The following NRG3 variants were observed in gnomAD, a reference collection of about 807,000 sequenced individuals.
NRG3 encodes the protein pro-neuregulin-3, membrane-bound isoform.
Under a neutral mutation model 66.9 loss-of-function variants are expected in NRG3, and 31 were observed. That is an observed-to-expected ratio of 0.46 (90% confidence interval 0.35 to 0.63). NRG3 has a LOEUF of 0.63. Among genes scored for constraint, NRG3 ranks in the 20% least tolerant of loss-of-function variants. The pLI is 0.00. For synonymous variants in NRG3, 393 were observed against 359.4 expected (o/e 1.09, Z -1.06); for missense variants, 910 against 878.9 (o/e 1.04, Z -0.45).
chr10:82,377,637 C>A (rs190738372), intron 2 of NRG3, among the ~76,000 whole-genome samples: 2 of 151,990 alleles, frequency 1.3e-5, no homozygotes, highest in African/African-American at 2.4e-5. Flanking sequence ...GAAGGGACAC[C>A]AAGAGCACAA....
chr10:82,008,550 T>G (rs540497514), intron 1 of NRG3, among the ~76,000 whole-genome samples: 1 of 152,292 alleles, frequency 6.6e-6, no homozygotes, highest in Non-Finnish European at 1.5e-5. Flanking sequence ...GAAAAGTAAG[T>G]TTAACCAAGG....
intron 1 of NRG3, among the ~76,000 whole-genome samples, chr10:82,088,593 G>T (rs1590064082): frequency 6.6e-6 from 1 of 152,200 alleles, no homozygotes; most frequent in African/African-American, 2.4e-5. Context: ...CTTTGATTTT[G>T]AATGCACAGG....
Position 82,644,765 on chromosome 10 carries a change from TAA to T in NRG3, c.954-93809_954-93808del, listed in dbSNP as rs1200294740. Among the ~76,000 whole-genome samples the T allele has an allele frequency of 2.0e-5, 3 of 152,088 alleles. No individual in the cohort carries two copies. The East Asian group carries it at 5.8e-4, about 29-fold the overall frequency. ...TAGTTATTGGCAATTTACAGAGTTG[TAA>T]AATAACTCCCCCAGAATTGGAATCA... On this transcript the variant is annotated intron_variant, in intron 2 of 8. Transcript: ENST00000372141.
At chr10:82,501,710 G>C (rs12268233) in intron 2 of NRG3, among the ~76,000 whole-genome samples, 8,709 of 152,132 alleles carry the variant, frequency 0.057, 543 homozygotes, top group East Asian at 0.17. Context: ...CTTAAAGGTT[G>C]ACCATGCATC....
chr10:82,180,579 T>G (rs532115192), intron 1 of NRG3, among the ~76,000 whole-genome samples: 1 of 151,946 alleles, frequency 6.6e-6, no homozygotes, highest in Non-Finnish European at 1.5e-5. Flanking sequence ...CCTTTCATCA[T>G]AGGGATAAAT....
chr10:82,207,287 T>C (rs903733526), intron 1 of NRG3, among the ~76,000 whole-genome samples: 1 of 152,144 alleles, frequency 6.6e-6, no homozygotes, highest in Non-Finnish European at 1.5e-5. Context: ...GATAGAAAAA[T>C]AAATCCCAAA....
At chr10:82,582,183 C>T (rs555044230) in intron 2 of NRG3, among the ~76,000 whole-genome samples, 37 of 152,062 alleles carry the variant, frequency 2.4e-4, no homozygotes, top group African/African-American at 5.5e-4. Context: ...TTGGCTGCTA[C>T]GAACAGGGTG....
intron 1 of NRG3, among the ~76,000 whole-genome samples, chr10:81,985,996 T>C (rs2060503608): frequency 6.6e-6 from 1 of 152,224 alleles, no homozygotes; most frequent in Admixed American, 6.5e-5. Flanking sequence ...ACACTGAAGA[T>C]GCCCACTGGG....
At chr10:82,091,678 A>T (rs2066034609) in intron 1 of NRG3, among the ~76,000 whole-genome samples, 1 of 152,194 alleles carries the variant, frequency 6.6e-6, no homozygotes, top group Admixed American at 6.6e-5. Flanking sequence ...TATGCCAAAA[A>T]ATTGAATTGC....
rs542896780 is a variant in NRG3 at position 82,759,239 on chromosome 10, C to A, written c.1027+20589C>A. On this transcript the variant is annotated intron_variant, in intron 3 of 8. Transcript: ENST00000372141. Reference sequence around the variant, plus strand: ...GCAATCTGTTTGCATATGCCTACTCCCATTCTACTTTCTGCCTTAAATTGA... The same window carrying A: ...GCAATCTGTTTGCATATGCCTACTCACATTCTACTTTCTGCCTTAAATTGA... Among the ~76,000 whole-genome samples the A allele has an allele frequency of 3.9e-5, 6 of 152,024 alleles. No individual in the cohort carries two copies. In the South Asian group the frequency reaches 1.2e-3, roughly 32 times the overall value.
chr10:82,542,247 C>T (rs2043593930), intron 2 of NRG3, among the ~76,000 whole-genome samples: 6 of 152,094 alleles, frequency 3.9e-5, no homozygotes, highest in Admixed American at 3.9e-4. Context: ...TGCAAAGGAA[C>T]CAGACTTTTT....
At chr10:82,449,825 T>A (rs561045583) in intron 2 of NRG3, among the ~76,000 whole-genome samples, 8 of 152,226 alleles carry the variant, frequency 5.3e-5, no homozygotes, top group Admixed American at 2.0e-4. Flanking sequence ...TCAAGGGCAG[T>A]GTAAAGAGTG....
chr10:82,629,512 C>T (rs1369282396), intron 2 of NRG3, among the ~76,000 whole-genome samples: 2 of 152,138 alleles, frequency 1.3e-5, no homozygotes, highest in Non-Finnish European at 2.9e-5. Context: ...ATGAAACATA[C>T]ACCAGTGAGA....
chr10:82,712,734 G>A (rs537350385), intron 2 of NRG3, among the ~76,000 whole-genome samples: 2 of 152,222 alleles, frequency 1.3e-5, no homozygotes, highest in East Asian at 3.9e-4. Flanking sequence ...GAGAGCATTA[G>A]GCATGAAGAT....
intron 1 of NRG3, among the ~76,000 whole-genome samples, chr10:82,093,412 T>G (rs2066146935): frequency 6.6e-6 from 1 of 152,192 alleles, no homozygotes. Flanking sequence ...CTCTTTAACT[T>G]GGGTTATGAG....
Position 82,939,314 on chromosome 10 carries a change from T to A in NRG3, c.1055-12155T>A, listed in dbSNP as rs554043650. On this transcript the variant is annotated intron_variant, in intron 4 of 8. Coordinates refer to ENST00000372141, the MANE Select transcript of NRG3 (RefSeq NM_001010848.4). ...AGATGTTTATGAATTTAAACTGTTATTTACCCTTAAATATCAACTTTAACT... is the reference window on the plus strand; with the variant it reads ...AGATGTTTATGAATTTAAACTGTTAATTACCCTTAAATATCAACTTTAACT... 3.3e-4 allele frequency among the ~76,000 whole-genome samples: 50 copies of A among 152,304 alleles called. 1 individual carries two copies. The highest frequency in any genetic ancestry group is 1.1e-3 in the African/African-American group (45 of 41,558).
intron 6 of NRG3, among the ~76,000 whole-genome samples, chr10:82,972,432 G>T (rs1000081358): frequency 5.3e-5 from 8 of 151,936 alleles, no homozygotes; most frequent in African/African-American, 1.9e-4. Context: ...TTTTAAAGCC[G>T]ACATTTTAAG....
rs78989730 is a variant in NRG3 at position 82,569,891 on chromosome 10, A to T, written c.954-168686A>T. Among the ~76,000 whole-genome samples the T allele has an allele frequency of 4.3e-3, 656 of 151,766 alleles. 2 individuals are homozygous for T. Among genetic ancestry groups the T allele is most frequent in the African/African-American group, 0.015 (625 of 41,504 alleles). On this transcript the variant is annotated intron_variant, in intron 2 of 8. Coordinates refer to ENST00000372141, the MANE Select transcript of NRG3 (RefSeq NM_001010848.4). ...CATGTCTCAAGCATATCATTGCCAAAACCACACTCTTGATTCACACTTGCC... is the reference window on the plus strand; with the variant it reads ...CATGTCTCAAGCATATCATTGCCAATACCACACTCTTGATTCACACTTGCC...
At chr10:82,289,849 T>C (rs1328822303) in intron 1 of NRG3, among the ~76,000 whole-genome samples, 1 of 152,234 alleles carries the variant, frequency 6.6e-6, no homozygotes, top group South Asian at 2.1e-4. Context: ...ATAATGGCTT[T>C]AATAACCACT....
Sources: gnomAD v4.1 joint callset for allele counts (sites outside exome capture counted in the v4.1 genomes callset) on GRCh38, gnomAD v4.1.1 for gene constraint, MANE v1.5 for transcripts, NCBI Gene and HGNC (gene_info 2026-07-23, HGNC 2026-07-21) for gene names.